NKAIN2: variants seen among roughly 807,000 people sequenced by gnomAD.
NKAIN2 encodes sodium/potassium-transporting ATPase subunit beta-1-interacting protein 2.
In NKAIN2, 14 loss-of-function variants were observed where a neutral mutation model predicts 32.6. The observed-to-expected ratio is 0.43, with a 90% CI of 0.28 to 0.67. NKAIN2 has a LOEUF of 0.67. NKAIN2 is among the 30% of genes least tolerant of loss of function. The probability of loss-of-function intolerance (pLI) is 0.17; values close to 1 mark genes in which losing one functional copy is unlikely to be tolerated. For synonymous variants in NKAIN2, 80 were observed against 87.2 expected (o/e 0.92, Z 0.46); for missense variants, 198 against 258.3 (o/e 0.77, Z 1.60).
intron 2 of NKAIN2, among the ~76,000 whole-genome samples, chr6:124,300,663 G>A (rs1267476652): frequency 3.3e-5 from 5 of 152,160 alleles, no homozygotes; most frequent in Admixed American, 2.6e-4. Context: ...CAGTTTTATG[G>A]ACCATAAGGT....
At chr6:124,027,139 C>CT (rs60788673) in intron 1 of NKAIN2, among the ~76,000 whole-genome samples, 9,250 of 137,008 alleles carry the variant, frequency 0.068, 384 homozygotes, top group African/African-American at 0.1. Context: ...AATTATCACT[C>CT]TTTTTTTTTT....
At chr6:124,318,179 TA>T (rs1423063078) in intron 2 of NKAIN2, among the ~76,000 whole-genome samples, 9 of 152,078 alleles carry the variant, frequency 5.9e-5, no homozygotes, top group African/African-American at 2.2e-4. Context: ...TTACTTCTTT[TA>T]AAAAATGCTA....
intron 4 of NKAIN2, among the ~76,000 whole-genome samples, chr6:124,777,381 G>A (rs957775587): frequency 1.3e-5 from 2 of 152,098 alleles, no homozygotes; most frequent in African/African-American, 4.8e-5. Context: ...TTGAATCTCA[G>A]CTCCACTACC....
intron 1 of NKAIN2, among the ~76,000 whole-genome samples, chr6:124,177,773 A>ATTT (rs1216484529): frequency 1.3e-4 from 3 of 22,270 alleles, no homozygotes; most frequent in Non-Finnish European, 1.9e-4. Context: ...CTGTTCATCC[A>ATTT]TTTTTTTTTT....
intron 6 of NKAIN2, chr6:124,819,011 T>C (rs886324371): frequency 9.9e-6 from 2 of 201,924 alleles, no homozygotes; most frequent in African/African-American, 4.7e-5. Context: ...AACACTGAAA[T>C]TTATCGAACC....
At chr6:124,311,029 G>A (rs554182490) in intron 2 of NKAIN2, among the ~76,000 whole-genome samples, 7 of 152,180 alleles carry the variant, frequency 4.6e-5, no homozygotes, top group African/African-American at 1.4e-4. Context: ...ATTTCCTTCC[G>A]TAAGTAAAAT....
chr6:124,476,297 T>G (rs2114687284), intron 3 of NKAIN2, among the ~76,000 whole-genome samples: 1 of 152,092 alleles, frequency 6.6e-6, no homozygotes, highest in South Asian at 2.1e-4. Flanking sequence ...GGTCAAAGTC[T>G]GAGGCATTTG....
chr6:124,609,941 C>T (rs910258322), intron 3 of NKAIN2, among the ~76,000 whole-genome samples: 2 of 151,988 alleles, frequency 1.3e-5, no homozygotes, highest in South Asian at 2.1e-4. Context: ...ACCTTAAAAA[C>T]GAGGTTTGAT....
At chr6:124,810,098 A>G (rs1412823054) in intron 5 of NKAIN2, among the ~76,000 whole-genome samples, 6 of 152,132 alleles carry the variant, frequency 3.9e-5, no homozygotes, top group Middle Eastern at 3.2e-3. Context: ...ATCTAGAACT[A>G]GAAATACCAT....
chr6:124,225,300 ATATC>A (rs1018063927), intron 1 of NKAIN2, among the ~76,000 whole-genome samples: 19 of 152,046 alleles, frequency 1.2e-4, no homozygotes, highest in African/African-American at 4.3e-4. Flanking sequence ...TATCTATTGT[ATATC>A]TATTTTTCTT....
chr6:124,044,506 T>C (rs966472200), intron 1 of NKAIN2, among the ~76,000 whole-genome samples: 2 of 152,038 alleles, frequency 1.3e-5, no homozygotes, highest in African/African-American at 4.8e-5. Flanking sequence ...TCTTTGCATA[T>C]AGAACTGTGG....
intron 1 of NKAIN2, among the ~76,000 whole-genome samples, chr6:124,122,777 GC>G (rs1175565917): frequency 6.6e-6 from 1 of 151,976 alleles, no homozygotes; most frequent in African/African-American, 2.4e-5. Context: ...AAAACTCTTT[GC>G]CCCTGGTTGA....
At chr6:124,437,264 T>G (rs1176647871) in intron 3 of NKAIN2, among the ~76,000 whole-genome samples, 1 of 152,214 alleles carries the variant, frequency 6.6e-6, no homozygotes, top group Non-Finnish European at 1.5e-5. Flanking sequence ...TTTTTCTTGT[T>G]TATAATATAT....
intron 1 of NKAIN2, among the ~76,000 whole-genome samples, chr6:124,035,355 AC>A: frequency 6.6e-6 from 1 of 152,234 alleles, no homozygotes; most frequent in Middle Eastern, 3.4e-3. Context: ...CCAGAAGAAT[AC>A]CTTTTTCCTC....
intron 2 of NKAIN2, among the ~76,000 whole-genome samples, chr6:124,312,384 C>CA (rs1796757633): frequency 6.6e-6 from 1 of 152,202 alleles, no homozygotes; most frequent in Non-Finnish European, 1.5e-5. Context: ...CCCCTTCAGA[C>CA]ACCAGTTGCA....
rs117405046 is a variant in NKAIN2 at position 124,116,507 on chromosome 6, A to G, written c.55-166498A>G. On this transcript the variant is annotated intron_variant, in intron 1 of 6. Transcript: ENST00000368417. Reference sequence around the variant, plus strand: ...CATTTAAAAGCATCTTGAATTCAAGATGTTTTTACTTTAATGCAGATTTTC... The same window carrying G: ...CATTTAAAAGCATCTTGAATTCAAGGTGTTTTTACTTTAATGCAGATTTTC... 9.8e-4 allele frequency among the ~76,000 whole-genome samples: 149 copies of G among 152,250 alleles called. 2 individuals are homozygous for G. In the East Asian group the frequency reaches 0.022, roughly 22 times the overall value.
chr6:124,003,101 C>T lies in NKAIN2; in HGVS notation c.54+198847C>T, dbSNP rs374444702. 1.1e-4 allele frequency among the ~76,000 whole-genome samples: 16 copies of T among 152,288 alleles called. No individual in the cohort carries two copies. The East Asian group carries it at 1.2e-3, about 11-fold the overall frequency. ...CAGAGCAGACAATGCAACTATTCCT[C>T]TTTACAGATACGATGTTTTATAAGT... On this transcript the variant is annotated intron_variant, in intron 1 of 6. Transcript: ENST00000368417.
intron 2 of NKAIN2, among the ~76,000 whole-genome samples, chr6:124,296,899 A>G (rs537467834): frequency 2.6e-5 from 4 of 152,196 alleles, no homozygotes; most frequent in Non-Finnish European, 4.4e-5. Flanking sequence ...TAAAAAAAGT[A>G]GTGCCTATTT....
chr6:124,692,760 G>A (rs1284595043), intron 4 of NKAIN2, among the ~76,000 whole-genome samples: 2 of 150,640 alleles, frequency 1.3e-5, no homozygotes, highest in Non-Finnish European at 3.0e-5. Flanking sequence ...AGGTTGCAGT[G>A]AGCCGAGATC....
Sources: allele counts gnomAD v4.1 joint callset (sites outside exome capture counted in the v4.1 genomes callset), GRCh38; gene constraint gnomAD v4.1.1; transcripts MANE v1.5; gene names NCBI Gene and HGNC (gene_info 2026-07-23, HGNC 2026-07-21).